Variants in LRFN5 observed in about 807,000 individuals in gnomAD.
LRFN5 encodes leucine rich repeat and fibronectin type III domain containing 5.
In LRFN5, 24 loss-of-function variants were observed where a neutral mutation model predicts 45.6. That is an observed-to-expected ratio of 0.53 (90% CI 0.38 to 0.74). LRFN5 has a LOEUF of 0.74. Among genes scored for constraint, LRFN5 ranks in the 30% least tolerant of loss-of-function variants. The probability of loss-of-function intolerance (pLI) is 0.00; values close to 1 mark genes in which losing one functional copy is unlikely to be tolerated. For synonymous variants in LRFN5, 340 were observed against 313.8 expected, an observed-to-expected ratio of 1.08 and a Z score of -0.88; for missense variants, 776 against 861.5, an observed-to-expected ratio of 0.90 and a Z score of 1.24.
chr14:41,790,665 T>C (rs1312689887), intron 2 of LRFN5, among the ~76,000 whole-genome samples: 1 of 151,658 alleles, frequency 6.6e-6, no homozygotes. Flanking sequence ...CATATTCTGA[T>C]TTATAAAAAA....
intron 1 of LRFN5, among the ~76,000 whole-genome samples, chr14:41,753,070 A>G (rs1334542166): frequency 1.3e-5 from 2 of 152,132 alleles, no homozygotes; most frequent in African/African-American, 2.4e-5. Flanking sequence ...AAGATCAGAT[A>G]GTTGTAGATA....
At chr14:41,828,159 G>A (rs1036802786) in intron 2 of LRFN5, among the ~76,000 whole-genome samples, 1 of 151,882 alleles carries the variant, frequency 6.6e-6, no homozygotes, top group Non-Finnish European at 1.5e-5. Context: ...CAGACTGTAC[G>A]TTTTAGATTT....
Position 41,607,042 on chromosome 14 carries a change from C to A in LRFN5, c.-1717C>A, listed in dbSNP as rs1282609208. Among the ~76,000 whole-genome samples the A allele has an allele frequency of 1.3e-5, 2 of 152,118 alleles. No homozygotes were observed. Among genetic ancestry groups the A allele is most frequent in the African/African-American group, 4.8e-5 (2 of 41,442 alleles). On this transcript the variant is annotated 5_prime_UTR_variant, in exon 1 of 6. Coordinates refer to ENST00000298119, the MANE Select transcript of LRFN5 (RefSeq NM_152447.5). Reference sequence around the variant, plus strand: ...TTGCCTCGCGCCTGAACTGCGGACTCGCCCCAGCGCGGTGGCCAGCGGGCG... The same window carrying A: ...TTGCCTCGCGCCTGAACTGCGGACTAGCCCCAGCGCGGTGGCCAGCGGGCG...
At chr14:41,762,161 C>T (rs549185155) in intron 1 of LRFN5, among the ~76,000 whole-genome samples, 111 of 150,386 alleles carry the variant, frequency 7.4e-4, no homozygotes, top group African/African-American at 2.7e-3. Context: ...AAAACCTTCA[C>T]CTAAGTTCTA....
At position 41,887,032 on chromosome 14, in the gene LRFN5, C is replaced by T; in HGVS notation, c.407C>T (p.Thr136Ile). ...TTGATACTGAACAACAATCAGCTGACTTTAATTTCCTCTACAGCGTTTGAT... is the reference window on the plus strand; with the variant it reads ...TTGATACTGAACAACAATCAGCTGATTTTAATTTCCTCTACAGCGTTTGAT... ...HHLILNNNQL[T>I]LISSTAFDDV... Residue 136 changes from threonine (T) to isoleucine (I), a missense_variant, in exon 3 of 6, where the codon ACT (threonine) becomes ATT (isoleucine). By Grantham distance (89) the Thr-to-Ile change is moderately conservative. Coordinates refer to ENST00000298119, the MANE Select transcript of LRFN5 (RefSeq NM_152447.5). This position sits in a 1 kb window ranked among gnomAD's most constrained non-coding sequence, Gnocchi z 4.8. The T allele has an allele frequency of 6.2e-7, 1 of 1,614,172 alleles. No individual in the cohort carries two copies. Among genetic ancestry groups the T allele is most frequent in the South Asian group, 1.1e-5 (1 of 91,080 alleles).
At chr14:41,617,579 A>G (rs1470895818) in intron 1 of LRFN5, among the ~76,000 whole-genome samples, 1 of 152,096 alleles carries the variant, frequency 6.6e-6, no homozygotes, top group Non-Finnish European at 1.5e-5. Flanking sequence ...TTGGTACTCT[A>G]TGAACTGCCA....
intron 1 of LRFN5, among the ~76,000 whole-genome samples, chr14:41,696,586 A>G (rs1882622558): frequency 1.5e-5 from 1 of 64,854 alleles, no homozygotes; most frequent in Non-Finnish European, 2.6e-5. Context: ...ATATATTCTC[A>G]GAAGAGCAAT....
chr14:41,780,608 GT>G (rs765956953), intron 2 of LRFN5, among the ~76,000 whole-genome samples: 1 of 151,810 alleles, frequency 6.6e-6, no homozygotes, highest in Non-Finnish European at 1.5e-5. Flanking sequence ...ATATAATTGA[GT>G]TTTTTTGTAA....
At chr14:41,867,050 A>C (rs1417063518) in intron 2 of LRFN5, among the ~76,000 whole-genome samples, 1 of 152,130 alleles carries the variant, frequency 6.6e-6, no homozygotes, top group Non-Finnish European at 1.5e-5. Flanking sequence ...AACTACACTG[A>C]AAAGGTTATT....
At chr14:41,757,237 T>C (rs1257724587) in intron 1 of LRFN5, among the ~76,000 whole-genome samples, 1 of 152,180 alleles carries the variant, frequency 6.6e-6, no homozygotes, top group Non-Finnish European at 1.5e-5. Context: ...CTGTTTGTTC[T>C]CAGATCTCCA....
intron 1 of LRFN5, among the ~76,000 whole-genome samples, chr14:41,760,260 C>A (rs1004605136): frequency 2.0e-5 from 3 of 152,096 alleles, no homozygotes; most frequent in Non-Finnish European, 2.9e-5. Flanking sequence ...ACATTTATTT[C>A]TTAATATTCA....
chr14:41,747,504 C>T (rs1481285116), intron 1 of LRFN5, among the ~76,000 whole-genome samples: 2 of 151,944 alleles, frequency 1.3e-5, no homozygotes, highest in Non-Finnish European at 2.9e-5. Context: ...CTTTACATAA[C>T]ACCATATACA....
intron 1 of LRFN5, among the ~76,000 whole-genome samples, chr14:41,653,106 T>A (rs1880208477): frequency 6.6e-6 from 1 of 152,196 alleles, no homozygotes; most frequent in Admixed American, 6.6e-5. Flanking sequence ...TCTCCCATTC[T>A]ACAGGTTGTC....
intron 2 of LRFN5, among the ~76,000 whole-genome samples, chr14:41,796,586 G>C (rs1388855209): frequency 6.6e-6 from 1 of 151,742 alleles, no homozygotes; most frequent in Non-Finnish European, 1.5e-5. Flanking sequence ...AAGTACTTTA[G>C]TATATCACAT....
rs562337682 is a variant in LRFN5 at position 41,677,133 on chromosome 14, A to G, written c.-197+68571A>G. On this transcript the variant is annotated intron_variant, in intron 1 of 5. Coordinates refer to ENST00000298119, the MANE Select transcript of LRFN5 (RefSeq NM_152447.5). ...AGTAAAAACAAGGAGAAAGGGGGGA[A>G]AAACAAGGGGAAAAAAAATCTAGCA... Among the ~76,000 whole-genome samples the G allele has an allele frequency of 2.0e-5, 3 of 152,290 alleles. No homozygotes were observed. The East Asian group carries it at 5.8e-4, about 29-fold the overall frequency.
chr14:41,702,990 A>T (rs1043931443), intron 1 of LRFN5, among the ~76,000 whole-genome samples: 2 of 152,076 alleles, frequency 1.3e-5, no homozygotes, highest in African/African-American at 4.8e-5. Flanking sequence ...TCAAATTCGA[A>T]TGTGTGACAA....
At chr14:41,779,420 T>C (rs1408742765) in intron 2 of LRFN5, among the ~76,000 whole-genome samples, 1 of 151,874 alleles carries the variant, frequency 6.6e-6, no homozygotes, top group Admixed American at 6.6e-5. Context: ...AGAGAGCAGT[T>C]GGTCTATAGA....
chr14:41,788,156 C>T (rs541241465), intron 2 of LRFN5, among the ~76,000 whole-genome samples: 2 of 152,146 alleles, frequency 1.3e-5, no homozygotes, highest in Non-Finnish European at 2.9e-5. Flanking sequence ...TTTATTATGT[C>T]AGCCCAAGCA....
chr14:41,837,435 G>C (rs540193517), intron 2 of LRFN5, among the ~76,000 whole-genome samples: 1 of 152,226 alleles, frequency 6.6e-6, no homozygotes, highest in South Asian at 2.1e-4. Context: ...TCCTTACTCT[G>C]TCCTGAGATG....
Sources: gnomAD v4.1 joint callset for allele counts (sites outside exome capture counted in the v4.1 genomes callset) on GRCh38, gnomAD v4.1.1 for gene constraint, Gnocchi (gnomAD v3.1) non-coding constraint, MANE v1.5 for transcripts, NCBI Gene and HGNC (gene_info 2026-07-23, HGNC 2026-07-21) for gene names.